CGNL1: variants seen among roughly 807,000 people sequenced by gnomAD.
The protein encoded by CGNL1 is cingulin-like protein 1.
CGNL1 carries 132 observed loss-of-function variants against 141.2 expected under a neutral mutation model. The ratio of observed to expected loss-of-function variants is 0.93; its 90% confidence interval spans 0.81 to 1.08. The LOEUF (loss-of-function observed/expected upper bound fraction) is 1.08, where lower values mean the gene tolerates loss of function less well. Ranked by LOEUF, CGNL1 falls within the 50% of genes least tolerant of loss-of-function variation. CGNL1 has a pLI of 0.00. For synonymous variants in CGNL1, 690 were observed against 622.1 expected, an observed-to-expected ratio of 1.11 and a Z score of -1.63; for missense variants, 1,870 against 1,588.6, an observed-to-expected ratio of 1.18 and a Z score of -3.01.
intron 8 of CGNL1, among the ~76,000 whole-genome samples, chr15:57,497,075 C>T (rs1233540632): frequency 6.6e-6 from 1 of 152,206 alleles, no homozygotes; most frequent in Non-Finnish European, 1.5e-5. Flanking sequence ...CCCGAGGCCC[C>T]ACATCCTGCT....
chr15:57,547,339 C>T lies in CGNL1; in HGVS notation c.3774-16C>T, dbSNP rs1429227207. The T allele has an allele frequency of 2.5e-6, 4 of 1,613,516 alleles. No individual in the cohort carries two copies. Among genetic ancestry groups the T allele is most frequent in the Middle Eastern group, 3.3e-4 (2 of 6,080 alleles). On this transcript the variant is annotated splice_polypyrimidine_tract_variant and intron_variant, in intron 18 of 18. Coordinates refer to ENST00000281282, the MANE Select transcript of CGNL1 (RefSeq NM_032866.5). ...CGGCCCAGGGCCAGGAAACATGCCCCTTGTCATTTCAGCAGACTGAAGAAG... is the reference window on the plus strand; with the variant it reads ...CGGCCCAGGGCCAGGAAACATGCCCTTTGTCATTTCAGCAGACTGAAGAAG...
At chr15:57,501,510 G>T (rs1236621529) in intron 8 of CGNL1, among the ~76,000 whole-genome samples, 1 of 152,216 alleles carries the variant, frequency 6.6e-6, no homozygotes, top group Non-Finnish European at 1.5e-5. Context: ...GGGGAGTTAG[G>T]CTTATTGTCC....
At chr15:57,390,856 G>T (rs2152230465) in intron 1 of CGNL1, among the ~76,000 whole-genome samples, 1 of 152,142 alleles carries the variant, frequency 6.6e-6, no homozygotes, top group South Asian at 2.1e-4. Flanking sequence ...TGACCTGACA[G>T]GCTGCCAGCT....
At chr15:57,503,132 C>A (rs184881411) in intron 8 of CGNL1, among the ~76,000 whole-genome samples, 3 of 152,348 alleles carry the variant, frequency 2.0e-5, no homozygotes, top group Admixed American at 1.3e-4. Flanking sequence ...CAGAGCCTCG[C>A]TGTAACACCA....
At chr15:57,525,411 T>C (rs2031549174) in intron 12 of CGNL1, among the ~76,000 whole-genome samples, 1 of 152,260 alleles carries the variant, frequency 6.6e-6, no homozygotes, top group African/African-American at 2.4e-5. Flanking sequence ...CCTATGCTGA[T>C]TTCTAGCTAT....
chr15:57,531,571 A>G, intron 13 of CGNL1, 119 bp from the exon 14 acceptor site: 3 of 679,848 alleles, frequency 4.4e-6, no homozygotes, highest in Non-Finnish European at 8.0e-6. Flanking sequence ...TTGTTTTTCC[A>G]AACTCTAATG....
chr15:57,496,575 G>A (rs541353617), intron 8 of CGNL1, among the ~76,000 whole-genome samples: 1 of 152,286 alleles, frequency 6.6e-6, no homozygotes, highest in South Asian at 2.1e-4. Flanking sequence ...GTGCCAAAAA[G>A]GTTGGGGACT....
intron 8 of CGNL1, among the ~76,000 whole-genome samples, chr15:57,484,311 T>A (rs2063761399): frequency 6.6e-6 from 1 of 152,212 alleles, no homozygotes; most frequent in Non-Finnish European, 1.5e-5. Context: ...AATTATTATA[T>A]TTAATATCGC....
chr15:57,449,696 A>G (rs144323870), intron 4 of CGNL1, among the ~76,000 whole-genome samples: 3 of 152,282 alleles, frequency 2.0e-5, no homozygotes, highest in Admixed American at 2.0e-4. Context: ...TGCCCTAAAA[A>G]TCCTGTGTGT....
In CGNL1 at chr15:57,397,572, CACATT is replaced by C. The variant is rs575291147; in HGVS notation, c.-16+21009_-16+21013del. 3.3e-3 allele frequency among the ~76,000 whole-genome samples: 495 copies of C among 152,116 alleles called. 5 individuals carry two copies. The highest frequency in any genetic ancestry group is 0.011 in the African/African-American group (475 of 41,502). On this transcript the variant is annotated intron_variant, in intron 1 of 18. Coordinates refer to ENST00000281282, the MANE Select transcript of CGNL1 (RefSeq NM_032866.5). ...TTTTAAATTATAAAAGTAATAGAAT[CACATT>C]ACAGAAGCCAGAAAATGGAGAAAAA...
chr15:57,480,555 T>C (rs1405838070), intron 8 of CGNL1, among the ~76,000 whole-genome samples: 2 of 152,086 alleles, frequency 1.3e-5, no homozygotes. Context: ...ATGCATTGAA[T>C]GTAATACTTT....
intron 8 of CGNL1, among the ~76,000 whole-genome samples, chr15:57,483,374 A>G (rs1437383845): frequency 2.0e-5 from 3 of 152,170 alleles, no homozygotes; most frequent in Non-Finnish European, 4.4e-5. Context: ...TTGCTAGTAT[A>G]CAGAAATGCA....
chr15:57,401,657 T>C (rs2062661823), intron 1 of CGNL1, among the ~76,000 whole-genome samples: 1 of 152,244 alleles, frequency 6.6e-6, no homozygotes, highest in South Asian at 2.1e-4. Context: ...CTATCCTTTT[T>C]TCTACTACCA....
In CGNL1 at chr15:57,442,477, A is replaced by C. The variant is rs2063202367; in HGVS notation, c.1802A>C (p.Gln601Pro). ...GCTGGGAGCGCCCAAGGAAATAACCAAGTAAATGGAAGTTTTGTATTTTGT... is the reference window on the plus strand; with the variant it reads ...GCTGGGAGCGCCCAAGGAAATAACCCAGTAAATGGAAGTTTTGTATTTTGT... ...RAAGSAQGNN[Q>P]ACNSTSEVKD... Residue 601 changes from glutamine (Q) to proline (P), a missense_variant and splice_region_variant, in exon 4 of 19, where the codon CAA becomes CCA. Gln to Pro is a moderately conservative substitution (Grantham distance 76, BLOSUM62 -1). Coordinates refer to ENST00000281282, the MANE Select transcript of CGNL1 (RefSeq NM_032866.5). The C allele has an allele frequency of 6.3e-7, 1 of 1,578,458 alleles. No individual in the cohort carries two copies. The highest frequency in any genetic ancestry group is 8.7e-7 in the Non-Finnish European group (1 of 1,147,956).
At chr15:57,434,431 T>C (rs1342081035) in intron 1 of CGNL1, among the ~76,000 whole-genome samples, 3 of 152,110 alleles carry the variant, frequency 2.0e-5, no homozygotes, top group African/African-American at 7.2e-5. Flanking sequence ...CAAAATAAAA[T>C]AGTAATCTGA....
At chr15:57,538,858 G>A (rs1410087722) in intron 14 of CGNL1, among the ~76,000 whole-genome samples, 2 of 152,106 alleles carry the variant, frequency 1.3e-5, no homozygotes, top group Non-Finnish European at 2.9e-5. Context: ...AGAGTCCTAG[G>A]TCCTACAGGT....
rs534546659 is a variant in CGNL1 at position 57,464,786 on chromosome 15, G to A, written c.2403+2894G>A. On this transcript the variant is annotated intron_variant, in intron 8 of 18. Coordinates refer to ENST00000281282, the MANE Select transcript of CGNL1 (RefSeq NM_032866.5). ...TTTTTTTGAGATGGAGTCTTGCTCT[G>A]TCACCCTGGTTGGAGTACAATGGCA... Among the ~76,000 whole-genome samples the A allele has an allele frequency of 1.4e-4, 18 of 132,496 alleles. No individual in the cohort carries two copies. In the South Asian group the frequency reaches 2.1e-3, roughly 16 times the overall value. 86.9% of individuals were successfully genotyped at this position (132,496 alleles called of 152,430 possible).
At chr15:57,419,845 C>T (rs1892427165) in intron 1 of CGNL1, among the ~76,000 whole-genome samples, 1 of 152,206 alleles carries the variant, frequency 6.6e-6, no homozygotes, top group South Asian at 2.1e-4. Flanking sequence ...GCAGCCCACA[C>T]ATAAGAAGTG....
intron 1 of CGNL1, among the ~76,000 whole-genome samples, chr15:57,412,751 T>C (rs2062804334): frequency 2.6e-5 from 4 of 152,244 alleles, no homozygotes. Flanking sequence ...CCAAGTTTAA[T>C]CTTCTTTTCA....
Sources: allele counts gnomAD v4.1 joint callset (sites outside exome capture counted in the v4.1 genomes callset), GRCh38; gene constraint gnomAD v4.1.1; transcripts MANE v1.5; gene names NCBI Gene and HGNC (gene_info 2026-07-23, HGNC 2026-07-21).